Variants in DNTTIP2 observed in about 807,000 individuals in gnomAD.
DNTTIP2 encodes deoxynucleotidyltransferase terminal interacting protein 2, also known as deoxynucleotidyltransferase terminal-interacting protein 2.
In DNTTIP2, 47 loss-of-function variants were observed where a neutral mutation model predicts 62.4. That is an observed-to-expected ratio of 0.75 (90% confidence interval 0.60 to 0.96). The LOEUF is 0.96. Among genes scored for constraint, DNTTIP2 ranks in the 40% least tolerant of loss-of-function variants. The probability of loss-of-function intolerance (pLI) is 0.00; values close to 1 mark genes in which losing one functional copy is unlikely to be tolerated. For synonymous variants in DNTTIP2, 322 were observed against 300.9 expected, an observed-to-expected ratio of 1.07 and a Z score of -0.73; for missense variants, 870 against 849.1, an observed-to-expected ratio of 1.02 and a Z score of -0.31.
Position 93,879,172 on chromosome 1 carries a change from CACG to C in DNTTIP2, c.-27_-25del. 1 of 1,609,974 alleles carries C rather than the reference CACG, an allele frequency of 6.2e-7. No individual in the cohort carries two copies. The highest frequency in any genetic ancestry group is 8.5e-7 in the Non-Finnish European group (1 of 1,178,866). On this transcript the variant is annotated 5_prime_UTR_variant, in exon 1 of 7. Coordinates refer to ENST00000436063, the MANE Select transcript of DNTTIP2 (RefSeq NM_014597.5). The stretch of plus-strand genomic sequence containing the variant: ...ATCTTTCCGGCTCCCTCGCGACCAC[CACG>C]ACTTCCCTCTTCCCTGGCGCTCCGG...
intron 1 of DNTTIP2, chr1:93,878,821 G>T: frequency 2.1e-6 from 1 of 485,382 alleles, no homozygotes. Context: ...CTGTGCTTCT[G>T]CATTAAGGAG....
At chr1:93,872,284 C>T (rs1283652379) in intron 4 of DNTTIP2, 48 bp from the exon 5 acceptor site, 29 of 1,550,140 alleles carry the variant, frequency 1.9e-5, no homozygotes, top group Non-Finnish European at 2.4e-5. Context: ...TAAGAGTATA[C>T]ATTATAATTC....
intron 4 of DNTTIP2, among the ~76,000 whole-genome samples, chr1:93,872,623 C>G (rs1655895537): frequency 6.6e-6 from 1 of 152,116 alleles, no homozygotes; most frequent in African/African-American, 2.4e-5. Context: ...TATTCAGTCA[C>G]CCAGGAGTCT....
At position 93,876,327 on chromosome 1, in the gene DNTTIP2, G is replaced by A. The variant is rs781085087; in HGVS notation, c.1608C>T (p.Asp536=). The change falls in exon 2 of 7, where the codon GAC becomes GAT. Residue 536 remains aspartate (D), a synonymous_variant. Coordinates refer to ENST00000436063, the MANE Select transcript of DNTTIP2 (RefSeq NM_014597.5). ...EKSEEDSSDH[D]ENEDEFSDEE... is the part of the protein sequence containing the mutation. ...CATCACTAAACTCATCTTCATTTTC[G>A]TCATGGTCTGATGAATCTTCTTCAC... 1.3e-5 allele frequency: 20 copies of A among 1,552,324 alleles called. No individual in the cohort carries two copies. Among genetic ancestry groups the A allele is most frequent in the African/African-American group, 9.6e-5 (7 of 72,746 alleles).
At chr1:93,871,375 T>C (rs61782457) in intron 5 of DNTTIP2, among the ~76,000 whole-genome samples, 27 of 152,320 alleles carry the variant, frequency 1.8e-4, no homozygotes, top group Admixed American at 9.8e-4. Context: ...CAAAACACTA[T>C]AGACGCTCTG....
intron 3 of DNTTIP2, among the ~76,000 whole-genome samples, chr1:93,875,047 G>A (rs942055282): frequency 4.6e-5 from 7 of 152,212 alleles, no homozygotes; most frequent in Non-Finnish European, 7.3e-5. Flanking sequence ...AGGATTCCTG[G>A]TTCAGGCAGG....
At chr1:93,873,256 T>A (rs766649942) in intron 3 of DNTTIP2, 42 bp from the exon 4 acceptor site, 44 of 1,461,344 alleles carry the variant, frequency 3.0e-5, no homozygotes, top group Middle Eastern at 1.7e-4. Context: ...TGTCAGAATG[T>A]TATATAAGTT....
In DNTTIP2 at chr1:93,867,260, C is replaced by T. The variant is rs2100879271; in HGVS notation, c.*2591G>A. On this transcript the variant is annotated 3_prime_UTR_variant, in exon 7 of 7. Coordinates refer to ENST00000436063, the MANE Select transcript of DNTTIP2 (RefSeq NM_014597.5). ...TTGAAGGTCTCTTTCACCAGCACACCTGACTGTGGCAGCCCTTTGGATTCT... is the reference window on the plus strand; with the variant it reads ...TTGAAGGTCTCTTTCACCAGCACACTTGACTGTGGCAGCCCTTTGGATTCT... 1 of 152,084 alleles carries T rather than the reference C, an allele frequency of 6.6e-6. No individual in the cohort carries two copies. The highest frequency in any genetic ancestry group is 2.4e-5 in the African/African-American group (1 of 41,448). The allele number at this position is 152,084 out of a possible 1,614,324, so 9.4% of individuals were successfully genotyped here.
At position 93,876,274 on chromosome 1, in the gene DNTTIP2, G is replaced by A. The variant is rs898293301; in HGVS notation, c.1661C>T (p.Ala554Val). Residue 554 changes from alanine to valine, a missense_variant, in exon 2 of 7, where the codon GCT becomes GTT. Transcript: ENST00000436063. ...AAATAAAGGAAAAACTTACAGTTTA[G>A]CCTTTGTGCTATTTAGGAAGTCTTC... ...DEEDFLNSTK[A>V]KLLKLTSSSI... 14 of 1,527,856 alleles carry A rather than the reference G, an allele frequency of 9.2e-6. No homozygotes were observed. In the African/African-American group the frequency reaches 1.5e-4, roughly 17 times the overall value. The allele number at this position is 1,527,856 out of a possible 1,614,324, so 94.6% of individuals were successfully genotyped here.
intron 4 of DNTTIP2, among the ~76,000 whole-genome samples, 169 bp downstream of exon 4, chr1:93,872,950 C>G (rs75379771): frequency 0.011 from 1,597 of 151,934 alleles, 25 homozygotes; most frequent in South Asian, 0.035. Context: ...AAAATCTATA[C>G]ATAATGTGTT....
In DNTTIP2 at chr1:93,866,812, C is replaced by CT. The variant is rs1242006674; in HGVS notation, c.*3038dup. The CT allele has an allele frequency of 2.0e-5, 3 of 152,182 alleles. No homozygotes were observed. Among genetic ancestry groups the CT allele is most frequent in the Admixed American group, 2.0e-4 (3 of 15,278 alleles). The allele number at this position is 152,182 out of a possible 1,614,324, so 9.4% of individuals were successfully genotyped here. A position where few individuals can be genotyped will look rare whatever the true frequency, so the allele number is the denominator to read the frequency against. On this transcript the variant is annotated 3_prime_UTR_variant, in exon 7 of 7. Transcript: ENST00000436063. The stretch of plus-strand genomic sequence containing the variant: ...GCTAAGAACCTAGCCCAGAGCCCAA[C>CT]TTTATCAACTGTAGTCTTACAGCAT...
At chr1:93,878,219 G>C (rs979400991) in intron 1 of DNTTIP2, among the ~76,000 whole-genome samples, 2 of 152,126 alleles carry the variant, frequency 1.3e-5, no homozygotes, top group African/African-American at 2.4e-5. Flanking sequence ...CAGAAGAATT[G>C]TTGGAATCCG....
chr1:93,873,837 T>G (rs984479729), intron 3 of DNTTIP2, among the ~76,000 whole-genome samples: 2 of 152,202 alleles, frequency 1.3e-5, no homozygotes, highest in African/African-American at 4.8e-5. Flanking sequence ...GTACTTTTGT[T>G]ACTTGACTAG....
In DNTTIP2 at chr1:93,877,871, C is replaced by G. The variant is rs1656055572; in HGVS notation, c.73-9G>C. On this transcript the variant is annotated splice_polypyrimidine_tract_variant and intron_variant, in intron 1 of 6. Transcript: ENST00000436063. ...CCATTAGCAGCAAAACTCTGCAAACCAGAGAAAACACACTGTAATTTAGGT... is the reference window on the plus strand; with the variant it reads ...CCATTAGCAGCAAAACTCTGCAAACGAGAGAAAACACACTGTAATTTAGGT... The G allele has an allele frequency of 6.3e-7, 1 of 1,595,596 alleles. No homozygotes were observed. The highest frequency in any genetic ancestry group is 8.5e-7 in the Non-Finnish European group (1 of 1,177,556).
At chr1:93,873,508 AG>A (rs1655922362) in intron 3 of DNTTIP2, 1 of 244,328 alleles carries the variant, frequency 4.1e-6, no homozygotes, top group Admixed American at 5.7e-5. Flanking sequence ...ACGCTAAGGC[AG>A]AAGGATCACT....
intron 3 of DNTTIP2, among the ~76,000 whole-genome samples, chr1:93,873,627 A>G (rs937133884): frequency 2.0e-5 from 3 of 151,228 alleles, no homozygotes; most frequent in Non-Finnish European, 4.4e-5. Flanking sequence ...CCTCCCAAAA[A>G]AAAAAAGAAA....
At position 93,868,116 on chromosome 1, in the gene DNTTIP2, G is replaced by A. The variant is rs1655766640; in HGVS notation, c.*1735C>T. On this transcript the variant is annotated 3_prime_UTR_variant, in exon 7 of 7. Transcript: ENST00000436063. ...TCTGTAATCTATCCATCTGACAAAG[G>A]GCTAATATCCAGAATCTACAAAGAA... is the stretch of plus-strand genomic sequence containing the variant. 1 of 151,980 alleles carries A rather than the reference G, an allele frequency of 6.6e-6. No individual in the cohort carries two copies. Among genetic ancestry groups the A allele is most frequent in the Non-Finnish European group, 1.5e-5 (1 of 68,004 alleles). 9.4% of individuals were successfully genotyped at this position (151,980 alleles called of 1,614,324 possible). A position where few individuals can be genotyped will look rare whatever the true frequency, so the allele number is the denominator to read the frequency against.
chr1:93,869,127 C>CA lies in DNTTIP2; in HGVS notation c.*723dup, dbSNP rs1286290611. The CA allele has an allele frequency of 6.6e-6, 1 of 152,218 alleles. No individual in the cohort carries two copies. The highest frequency in any genetic ancestry group is 1.9e-4 in the East Asian group (1 of 5,208). 9.4% of individuals were successfully genotyped at this position (152,218 alleles called of 1,614,324 possible). On this transcript the variant is annotated 3_prime_UTR_variant, in exon 7 of 7. Transcript: ENST00000436063. The stretch of plus-strand genomic sequence containing the variant: ...GAAATGACCAACACTCCTTGGGTGC[C>CA]AGAAACCAGCTTAGCCAGGGTGCAT...
chr1:93,872,366 T>G lies in DNTTIP2; in HGVS notation c.1903-130A>C. 1 of 851,138 alleles carries G rather than the reference T, an allele frequency of 1.2e-6. No homozygotes were observed. The highest frequency in any genetic ancestry group is 1.8e-6 in the Non-Finnish European group (1 of 568,196). The allele number at this position is 851,138 out of a possible 1,614,324, so 52.7% of individuals were successfully genotyped here. On this transcript the variant is annotated intron_variant, in intron 4 of 6. Coordinates refer to ENST00000436063, the MANE Select transcript of DNTTIP2 (RefSeq NM_014597.5). ...AAATGGTTACTTTATTGAAAGCACT[T>G]AAATCCAGAATCATAGAGATAAAAG... is the stretch of plus-strand genomic sequence containing the variant.
Sources: allele counts gnomAD v4.1 joint callset (sites outside exome capture counted in the v4.1 genomes callset), GRCh38; gene constraint gnomAD v4.1.1; transcripts MANE v1.5; gene names NCBI Gene and HGNC (gene_info 2026-07-23, HGNC 2026-07-21).